The following AZIN2 variants were observed in gnomAD, a reference collection of about 807,000 sequenced individuals.
The protein encoded by AZIN2 is antizyme inhibitor 2, also known as ODC antizyme inhibitor-2.
In AZIN2, 28 loss-of-function variants were observed where a neutral mutation model predicts 47.8. The observed-to-expected ratio is 0.59, with a 90% CI of 0.43 to 0.80. The LOEUF is 0.80. Among genes scored for constraint, AZIN2 ranks in the 30% least tolerant of loss-of-function variants. The pLI, the probability that AZIN2 is intolerant of heterozygous loss-of-function variation, is 0.00. For missense variants in AZIN2, 535 were observed against 582.5 expected (o/e 0.92, Z 0.84); for synonymous variants, 221 against 239.4 (o/e 0.92, Z 0.71).
In AZIN2 at chr1:33,116,483, T is replaced by A. The variant is rs74479476; in HGVS notation, c.1030-1419T>A. Among the ~76,000 whole-genome samples, 718 of 152,298 alleles carry A rather than the reference T, an allele frequency of 4.7e-3. 3 individuals carry two copies. The highest frequency in any genetic ancestry group is 0.016 in the African/African-American group (658 of 41,564). On this transcript the variant is annotated intron_variant, in intron 10 of 11. Transcript: ENST00000294517. ...TTCCATTCATATCCTTTTTCTCCCC[T>A]TTGTCATTCTTTCTCTTTCTCATCA...
chr1:33,128,203 C>CA (rs34284839), downstream of AZIN2, among the ~76,000 whole-genome samples: 20,621 of 83,534 alleles, frequency 0.25, 2,514 homozygotes, highest in Middle Eastern at 0.35. Context: ...CCCACCTCTC[C>CA]AAAAAAAAAA....
chr1:33,148,363 A>G, the AZIN2 span, among the ~76,000 whole-genome samples: 3 of 152,190 alleles, frequency 2.0e-5, no homozygotes, highest in Non-Finnish European at 2.9e-5. Context: ...TTTAATATAT[A>G]CTGAATATTT....
At chr1:33,090,877 C>A (rs755535542) in intron 5 of AZIN2, among the ~76,000 whole-genome samples, 3 of 152,242 alleles carry the variant, frequency 2.0e-5, no homozygotes, top group Non-Finnish European at 4.4e-5. Flanking sequence ...GAGCCCTTGG[C>A]AACCACCATT....
At chr1:33,159,963 A>AG in the AZIN2 span, 1 of 1,595,450 alleles carries the variant, frequency 6.3e-7, no homozygotes, top group Admixed American at 1.7e-5. The surrounding 1 kb of genome is among the most constrained non-coding windows in gnomAD (Gnocchi z 4.2). Flanking sequence ...GACAGTCGTC[A>AG]GGGGTTATGG....
At position 33,107,136 on chromosome 1, in the gene AZIN2, T is replaced by C. The variant is rs1271978397; in HGVS notation, c.1029+8957T>C. Among the ~76,000 whole-genome samples, 3 of 149,774 alleles carry C rather than the reference T, an allele frequency of 2.0e-5. No homozygotes were observed. In the East Asian group the frequency reaches 5.9e-4, roughly 30 times the overall value. ...ACCCTGTCTACTAGAGATACAAAAT[T>C]ATCCAGGCGTAAAGATGTGTGCCTG... On this transcript the variant is annotated intron_variant, in intron 10 of 11. Coordinates refer to ENST00000294517, the MANE Select transcript of AZIN2 (RefSeq NM_052998.4).
chr1:33,113,678 G>A lies in AZIN2; in HGVS notation c.1030-4224G>A, dbSNP rs1417614111. Reference sequence around the variant, plus strand: ...GACCAGCTGAGTAACCTTAGGCAAAGCAAGCTACTTAATCTCTCTGAGCCT... The same window carrying A: ...GACCAGCTGAGTAACCTTAGGCAAAACAAGCTACTTAATCTCTCTGAGCCT... On this transcript the variant is annotated intron_variant, in intron 10 of 11. Transcript: ENST00000294517. This position sits in a 1 kb window ranked among gnomAD's most constrained non-coding sequence, Gnocchi z 4.1. 1.3e-5 allele frequency among the ~76,000 whole-genome samples: 2 copies of A among 152,216 alleles called. No individual in the cohort carries two copies. Among genetic ancestry groups the A allele is most frequent in the Non-Finnish European group, 2.9e-5 (2 of 68,034 alleles).
intron 4 of AZIN2, chr1:33,083,284 G>A (rs1025646188): frequency 1.3e-5 from 2 of 155,124 alleles, no homozygotes; most frequent in Non-Finnish European, 2.9e-5. Context: ...GGGAAACTGA[G>A]TCCCAGGGAA....
the AZIN2 span, among the ~76,000 whole-genome samples, chr1:33,133,437 C>T: frequency 0.023 from 3,476 of 152,316 alleles, 132 homozygotes; most frequent in African/African-American, 0.068. Flanking sequence ...TCCCTGTCAT[C>T]GTGGACCTTG....
At chr1:33,158,846 CT>C in the AZIN2 span, among the ~76,000 whole-genome samples, 80 of 145,450 alleles carry the variant, frequency 5.5e-4, no homozygotes, top group Non-Finnish European at 5.0e-4. Context: ...TCTTTTTTTT[CT>C]TTTTTTTTTT....
chr1:33,099,634 C>A (rs1050829534), intron 10 of AZIN2, among the ~76,000 whole-genome samples: 3 of 152,220 alleles, frequency 2.0e-5, no homozygotes, highest in African/African-American at 7.2e-5. Context: ...CCACGCCCCC[C>A]ACCGGGATCT....
the AZIN2 span, among the ~76,000 whole-genome samples, chr1:33,151,779 T>G: frequency 6.6e-6 from 1 of 152,210 alleles, no homozygotes; most frequent in Non-Finnish European, 1.5e-5. Context: ...GGAAGGATCA[T>G]GGACTGTGGA....
intron 5 of AZIN2, among the ~76,000 whole-genome samples, chr1:33,091,249 C>G (rs779391908): frequency 2.0e-5 from 3 of 152,080 alleles, no homozygotes; most frequent in African/African-American, 7.2e-5. Context: ...GTTGGTAGTT[C>G]TATTTTTTGA....
the AZIN2 span, chr1:33,164,803 G>A: frequency 6.6e-6 from 1 of 151,682 alleles, no homozygotes; most frequent in Non-Finnish European, 1.5e-5. Flanking sequence ...TTTAGAGACA[G>A]GGTATCACTC....
At chr1:33,083,649 G>T (rs1641537948) in intron 4 of AZIN2, 3 of 435,872 alleles carry the variant, frequency 6.9e-6, no homozygotes, top group East Asian at 9.3e-5. Flanking sequence ...CCAGACACAG[G>T]AGTGGGGAGG....
the AZIN2 span, chr1:33,165,691 C>G: frequency 1.4e-6 from 1 of 722,178 alleles, no homozygotes; most frequent in East Asian, 3.2e-5. This position sits in a 1 kb window ranked among gnomAD's most constrained non-coding sequence, Gnocchi z 4.0. Context: ...ACTTGCCTCC[C>G]GTCACAGTTC....
chr1:33,086,030 G>C (rs574225326), intron 5 of AZIN2, among the ~76,000 whole-genome samples: 2 of 152,300 alleles, frequency 1.3e-5, no homozygotes, highest in East Asian at 3.9e-4. Context: ...GGAACCCCAG[G>C]GGGAGGAGCT....
the AZIN2 span, among the ~76,000 whole-genome samples, chr1:33,129,950 C>T: frequency 6.6e-6 from 1 of 152,100 alleles, no homozygotes; most frequent in Admixed American, 6.5e-5. This position sits in a 1 kb window ranked among gnomAD's most constrained non-coding sequence, Gnocchi z 4.1. Flanking sequence ...GCCTCTGCCT[C>T]CCGGGTTCAA....
the AZIN2 span, chr1:33,159,582 T>G: frequency 7.0e-7 from 1 of 1,424,182 alleles, no homozygotes; most frequent in Admixed American, 2.5e-5. This position sits in a 1 kb window ranked among gnomAD's most constrained non-coding sequence, Gnocchi z 4.2. Flanking sequence ...AAGATTTGAA[T>G]GAAAGAATTC....
At chr1:33,104,896 G>T (rs952012080) in intron 10 of AZIN2, among the ~76,000 whole-genome samples, 7 of 152,060 alleles carry the variant, frequency 4.6e-5, no homozygotes, top group African/African-American at 1.7e-4. Context: ...ATGGGGTTTT[G>T]CCATGTTGCC....
Sources: gnomAD v4.1 joint callset for allele counts (sites outside exome capture counted in the v4.1 genomes callset) on GRCh38, gnomAD v4.1.1 for gene constraint, Gnocchi (gnomAD v3.1) non-coding constraint, MANE v1.5 for transcripts, NCBI Gene and HGNC (gene_info 2026-07-23, HGNC 2026-07-21) for gene names.